Variants in ERICH6 observed in about 807,000 individuals in gnomAD.
ERICH6 encodes glutamate-rich protein 6.
ERICH6 carries 71 observed loss-of-function variants against 71.0 expected under a neutral mutation model. The observed-to-expected ratio is 1.00, with a 90% CI of 0.83 to 1.22. The LOEUF (loss-of-function observed/expected upper bound fraction) is 1.22, where lower values mean the gene tolerates loss of function less well. Ranked by LOEUF, ERICH6 falls within the 50% of genes most tolerant of loss-of-function variation. ERICH6 has a pLI of 0.00. For synonymous variants in ERICH6, 262 were observed against 278.4 expected (o/e 0.94, Z 0.59); for missense variants, 808 against 797.2 (o/e 1.01, Z -0.16).
At chr3:150,695,951 T>C (rs1712641902) in intron 3 of ERICH6, among the ~76,000 whole-genome samples, 1 of 152,000 alleles carries the variant, frequency 6.6e-6, no homozygotes, top group South Asian at 2.1e-4. Flanking sequence ...GATTCTAAAA[T>C]ACTTTTGGAA....
intron 3 of ERICH6, among the ~76,000 whole-genome samples, chr3:150,697,717 G>A (rs895629625): frequency 1.3e-5 from 2 of 152,188 alleles, no homozygotes; most frequent in Non-Finnish European, 2.9e-5. Context: ...GAGTTCTGCA[G>A]GGCTCAATCT....
intron 13 of ERICH6, among the ~76,000 whole-genome samples, chr3:150,665,653 C>G (rs1727386196): frequency 6.6e-6 from 1 of 151,060 alleles, no homozygotes; most frequent in African/African-American, 2.4e-5. Context: ...ATGGTGAAAC[C>G]CTGTCTCTAC....
rs1156962233 is a variant in ERICH6 at position 150,703,906 on chromosome 3, G to A, written c.-8C>T. The A allele has an allele frequency of 1.9e-6, 3 of 1,612,826 alleles. No individual in the cohort carries two copies. Among genetic ancestry groups the A allele is most frequent in the African/African-American group, 1.3e-5 (1 of 74,932 alleles). On this transcript the variant is annotated 5_prime_UTR_variant, in exon 1 of 14. Transcript: ENST00000295910. ...CGAGCGCAAGTGGGCCATGGCTGGC[G>A]GGAGGCGGGATTACAGCCAGCTCTT...
intron 11 of ERICH6, 100 bp downstream of exon 11, chr3:150,673,856 C>G: frequency 9.3e-7 from 1 of 1,079,824 alleles, no homozygotes; most frequent in South Asian, 1.4e-5. Flanking sequence ...GCTGGCATTA[C>G]AGGTGTGAGC....
At position 150,680,830 on chromosome 3, in the gene ERICH6, T is replaced by G; in HGVS notation, c.983A>C (p.His328Pro). 1 of 1,614,162 alleles carries G rather than the reference T, an allele frequency of 6.2e-7. No homozygotes were observed. The change falls in exon 8 of 14, where the codon CAT (histidine) becomes CCT (proline). Residue 328 changes from histidine to proline, a missense_variant. Physicochemically the swap from His to Pro is moderately conservative, Grantham distance 77. Around this residue, in one of 3 missense-constraint regions of ERICH6, gnomAD observed 736 missense variants for 712.2 expected, o/e 1.03. Transcript: ENST00000295910. ...GTCGACCTCACTACCATGGGCTGCA[T>G]GAGGGTCAATAGCAATTAATTCAGC... The part of the protein sequence containing the change: ...PKAELIAIDP[H>P]AAHGSEVDRL...
At chr3:150,674,069 T>C (rs759924601) in intron 10 of ERICH6, 28 bp from the exon 11 acceptor site, 1 of 1,595,096 alleles carries the variant, frequency 6.3e-7, no homozygotes, top group South Asian at 1.1e-5. Context: ...GAAAAGACAC[T>C]TAATTGTTTC....
chr3:150,669,289 A>C lies in ERICH6; in HGVS notation c.1499+7T>G. Reference sequence around the variant, plus strand: ...AAAATGGCAGCAGCAGGAACCTAGAAGCTTACCAGACATTTCCATTGGGAT... The same window carrying C: ...AAAATGGCAGCAGCAGGAACCTAGACGCTTACCAGACATTTCCATTGGGAT... On this transcript the variant is annotated splice_region_variant and intron_variant, in intron 12 of 13. Transcript: ENST00000295910. The C allele has an allele frequency of 6.3e-7, 1 of 1,588,964 alleles. No homozygotes were observed. Among genetic ancestry groups the C allele is most frequent in the Non-Finnish European group, 8.5e-7 (1 of 1,170,774 alleles).
At position 150,669,389 on chromosome 3, in the gene ERICH6, A is replaced by G; in HGVS notation, c.1406T>C (p.Ile469Thr). Residue 469 changes from isoleucine to threonine, a missense_variant, in exon 12 of 14, where the codon ATA becomes ACA. Around this residue, in one of 3 missense-constraint regions of ERICH6, gnomAD observed 736 missense variants for 712.2 expected, o/e 1.03. Coordinates refer to ENST00000295910, the MANE Select transcript of ERICH6 (RefSeq NM_152394.5). ...GTTAGTGGGCATATCTTCTTGGACT[A>G]TACAAGTAAAACCATTTACCTTGTT... ...VPNKVNGFTC[I>T]VQEDMPTNPA... 2 of 1,613,888 alleles carry G rather than the reference A, an allele frequency of 1.2e-6. No individual in the cohort carries two copies. Among genetic ancestry groups the G allele is most frequent in the Non-Finnish European group, 1.7e-6 (2 of 1,179,900 alleles).
intron 10 of ERICH6, among the ~76,000 whole-genome samples, chr3:150,675,956 AAAC>A (rs1711637183): frequency 7.0e-6 from 1 of 143,344 alleles, no homozygotes; most frequent in African/African-American, 2.6e-5. Context: ...TGGGATTCTT[AAAC>A]CTGTTGATTG....
At chr3:150,682,700 A>G (rs1368971923) in intron 6 of ERICH6, among the ~76,000 whole-genome samples, 2 of 152,232 alleles carry the variant, frequency 1.3e-5, no homozygotes, top group Admixed American at 1.3e-4. Context: ...ACTGGATTTT[A>G]TACAAATGAT....
chr3:150,690,025 A>AC (rs1712360660), intron 3 of ERICH6, among the ~76,000 whole-genome samples: 2 of 151,716 alleles, frequency 1.3e-5, no homozygotes, highest in South Asian at 4.2e-4. Context: ...TTTAAAAAAA[A>AC]TTTTTTTTTA....
Position 150,680,881 on chromosome 3 carries a change from T to A in ERICH6, c.932A>T (p.Glu311Val). Residue 311 changes from glutamate (E) to valine (V), a missense_variant, in exon 8 of 14, where the codon GAG (glutamate) becomes GTG (valine). Glu to Val is a moderately radical substitution (Grantham distance 121). Coordinates refer to ENST00000295910, the MANE Select transcript of ERICH6 (RefSeq NM_152394.5). ...TTTAGGGGGTTTGGTTTTTATTTGC[T>A]CCTCATAGATATAGTCAATCAGATT... Reference protein sequence around the residue: ...FQNLIDYIYEEQIKTKPPKAE... With the variant: ...FQNLIDYIYEVQIKTKPPKAE... 1 of 1,613,858 alleles carries A rather than the reference T, an allele frequency of 6.2e-7. No homozygotes were observed. Among genetic ancestry groups the A allele is most frequent in the South Asian group, 1.1e-5 (1 of 91,062 alleles).
intron 11 of ERICH6, among the ~76,000 whole-genome samples, chr3:150,672,337 C>A (rs1271750749): frequency 2.7e-5 from 4 of 146,676 alleles, no homozygotes; most frequent in Admixed American, 1.4e-4. Context: ...GTGGCTCATG[C>A]CTGTAATCCC....
chr3:150,670,543 A>AAAAGCATCCAGATTGG (rs1275837473), intron 11 of ERICH6, among the ~76,000 whole-genome samples: 2 of 151,914 alleles, frequency 1.3e-5, no homozygotes, highest in African/African-American at 2.4e-5. Context: ...AAAGGAAATG[A>AAAAGCATCCAGATTGG]AAAGCATCCA....
chr3:150,667,187 C>T (rs915681906), intron 12 of ERICH6, among the ~76,000 whole-genome samples, 172 bp from the exon 13 acceptor site: 7 of 152,092 alleles, frequency 4.6e-5, no homozygotes, highest in Non-Finnish European at 7.4e-5. Flanking sequence ...AAATTCTACA[C>T]GAATCTGAAG....
intron 3 of ERICH6, among the ~76,000 whole-genome samples, chr3:150,695,497 T>TA (rs56710019): frequency 0.23 from 32,162 of 142,650 alleles, 3,839 homozygotes; most frequent in East Asian, 0.45. Context: ...CCATCTCTAC[T>TA]AAAAAAAAAA....
At position 150,677,435 on chromosome 3, in the gene ERICH6, C is replaced by A. The variant is rs1445162166; in HGVS notation, c.1257+974G>T. Among the ~76,000 whole-genome samples, 4 of 151,844 alleles carry A rather than the reference C, an allele frequency of 2.6e-5. No homozygotes were observed. The East Asian group carries it at 7.7e-4, about 29-fold the overall frequency. On this transcript the variant is annotated intron_variant, in intron 10 of 13. Coordinates refer to ENST00000295910, the MANE Select transcript of ERICH6 (RefSeq NM_152394.5). ...TCCGAGAACAGAAAAATGGGTTAAA[C>A]TACATGATAAATTATATAGCTATGA...
At chr3:150,666,618 C>T (rs1201833341) in intron 13 of ERICH6, among the ~76,000 whole-genome samples, 169 bp downstream of exon 13, 1 of 152,158 alleles carries the variant, frequency 6.6e-6, no homozygotes, top group East Asian at 1.9e-4. Flanking sequence ...AGTAAAGCCA[C>T]CTCAATTCCA....
At chr3:150,696,661 C>CA (rs909142687) in intron 3 of ERICH6, among the ~76,000 whole-genome samples, 6 of 151,510 alleles carry the variant, frequency 4.0e-5, no homozygotes, top group Non-Finnish European at 2.9e-5. Flanking sequence ...ATCGAGTGAC[C>CA]AAAAAAACAT....
Sources: gnomAD v4.1 joint callset for allele counts (sites outside exome capture counted in the v4.1 genomes callset) on GRCh38, gnomAD v4.1.1 for gene constraint, gnomAD v4.1.1 regional missense constraint, MANE v1.5 for transcripts, NCBI Gene and HGNC (gene_info 2026-07-23, HGNC 2026-07-21) for gene names.